The following BRCA1 variants were observed in gnomAD, a reference collection of about 807,000 sequenced individuals.
BRCA1 encodes BRCA1 DNA repair associated, also known as breast cancer type 1 susceptibility protein.
BRCA1 carries 140 observed loss-of-function variants against 173.7 expected under a neutral mutation model. That is an observed-to-expected ratio of 0.81 (90% CI 0.70 to 0.93). The LOEUF (loss-of-function observed/expected upper bound fraction) is 0.93. Among genes scored for constraint, BRCA1 ranks in the 40% least tolerant of loss-of-function variants. The probability of loss-of-function intolerance (pLI) is 0.00; values close to 1 mark genes in which losing one functional copy is unlikely to be tolerated. For synonymous variants in BRCA1, 662 were observed against 756.0 expected (o/e 0.88, Z 2.04); for missense variants, 1,983 against 2,172.5 (o/e 0.91, Z 1.73).
At chr17:43,074,938 AGAAAGGAAAGAAAAG>A (rs1047602918) in intron 13 of BRCA1, among the ~76,000 whole-genome samples, 8 of 150,978 alleles carry the variant, frequency 5.3e-5, no homozygotes, top group African/African-American at 2.0e-4. Context: ...AGGAAAGGAA[AGAAAGGAAAGAAAAG>A]GAAAGGAAAG....
intron 4 of BRCA1, among the ~76,000 whole-genome samples, 162 bp from the exon 5 acceptor site, chr17:43,105,118 G>A (rs977994330): frequency 3.9e-5 from 6 of 152,142 alleles, no homozygotes; most frequent in African/African-American, 1.2e-4. Flanking sequence ...ACCGTGTGAT[G>A]GCAGTGATTT....
chr17:43,074,877 C>T (rs143589966), intron 13 of BRCA1, among the ~76,000 whole-genome samples: 7 of 150,356 alleles, frequency 4.7e-5, no homozygotes, highest in African/African-American at 1.2e-4. Context: ...GCCGAGATCA[C>T]GCCACTGCAC....
At chr17:43,064,828 T>G (rs1373588692) in intron 16 of BRCA1, among the ~76,000 whole-genome samples, 1 of 36,840 alleles carries the variant, frequency 2.7e-5, no homozygotes, top group Non-Finnish European at 4.7e-5. Context: ...TTGATTTGCA[T>G]TTTTTTTTTT....
At chr17:43,126,229 T>G (rs2055868997), upstream of BRCA1, among the ~76,000 whole-genome samples, 1 of 152,196 alleles carries the variant, frequency 6.6e-6, no homozygotes, top group South Asian at 2.1e-4. Flanking sequence ...TTTTTCGGGT[T>G]CAGCTTGCTT....
At chr17:43,135,418 G>A (rs765354705) in intron 1 of BRCA1, among the ~76,000 whole-genome samples, 1 of 152,212 alleles carries the variant, frequency 6.6e-6, no homozygotes, top group African/African-American at 2.4e-5. Flanking sequence ...GCATGCACCC[G>A]CTCCTTTATT....
At chr17:43,095,276 T>C (rs1022710870) in intron 9 of BRCA1, among the ~76,000 whole-genome samples, 1 of 152,094 alleles carries the variant, frequency 6.6e-6, no homozygotes, top group African/African-American at 2.4e-5. Flanking sequence ...GAAACACAAA[T>C]ACACCAATTA....
intron 3 of BRCA1, among the ~76,000 whole-genome samples, chr17:43,113,161 T>A (rs2055117526): frequency 6.6e-6 from 1 of 152,064 alleles, no homozygotes; most frequent in South Asian, 2.1e-4. Context: ...CATCTTCCTG[T>A]AGAATTACTC....
chr17:43,072,860 G>A (rs1407178205), intron 14 of BRCA1, among the ~76,000 whole-genome samples: 2 of 150,288 alleles, frequency 1.3e-5, no homozygotes, highest in African/African-American at 4.9e-5. Flanking sequence ...CACCCACCAC[G>A]CCTGGCCCCA....
chr17:43,093,563 G>C lies in BRCA1; in HGVS notation c.1968C>G (p.Asn656Lys). The change falls in exon 10 of 23, where the codon AAC becomes AAG. Residue 656 changes from asparagine (N) to lysine (K), a missense_variant. Coordinates refer to ENST00000357654, the MANE Select transcript of BRCA1 (RefSeq NM_007294.4). ...SSEEIKKKKY[N>K]QMPVRHSRNL... ...TTCTGCTGTGCCTGACTGGCATTTG[G>C]TTGTACTTTTTTTTCTTTATCTCTT... is the stretch of plus-strand genomic sequence containing the variant. 1 of 1,613,890 alleles carries C rather than the reference G, an allele frequency of 6.2e-7. No individual in the cohort carries two copies. Among genetic ancestry groups the C allele is most frequent in the Non-Finnish European group, 8.5e-7 (1 of 1,179,986 alleles).
At chr17:43,106,642 G>T in intron 3 of BRCA1, 109 bp from the exon 4 acceptor site, 2 of 816,048 alleles carry the variant, frequency 2.5e-6, no homozygotes, top group South Asian at 1.6e-5. Flanking sequence ...GCCCTTAAGA[G>T]CCATTTAAAA....
chr17:43,140,250 C>T (rs1435983958), intron 1 of BRCA1: 1 of 208,172 alleles, frequency 4.8e-6, no homozygotes, highest in Non-Finnish European at 9.9e-6. Context: ...TTCCAGACCT[C>T]ACCCTGTGTA....
At chr17:43,095,707 A>T (rs1597881658) in intron 9 of BRCA1, 139 bp downstream of exon 9, 1 of 751,334 alleles carries the variant, frequency 1.3e-6, no homozygotes, top group East Asian at 2.7e-5. Context: ...GACATTTGAC[A>T]GAGAATGATA....
intron 18 of BRCA1, among the ~76,000 whole-genome samples, chr17:43,060,932 C>T (rs1057022553): frequency 6.6e-6 from 1 of 152,002 alleles, no homozygotes; most frequent in Non-Finnish European, 1.5e-5. Flanking sequence ...TTGAGACCAG[C>T]CTGACCAACG....
chr17:43,131,179 C>T (rs973847067), intron 1 of BRCA1: 13 of 242,706 alleles, frequency 5.4e-5, no homozygotes, highest in African/African-American at 2.0e-4. Context: ...ACATTATAAC[C>T]TGCCTTTAAA....
chr17:43,079,959 A>G (rs1297751915), intron 12 of BRCA1, among the ~76,000 whole-genome samples: 4 of 152,212 alleles, frequency 2.6e-5, no homozygotes, highest in Non-Finnish European at 4.4e-5. Flanking sequence ...AAACAGAGCA[A>G]AACCTTTCTG....
intron 19 of BRCA1, among the ~76,000 whole-genome samples, chr17:43,053,662 G>A (rs1437455995): frequency 6.6e-6 from 1 of 150,632 alleles, no homozygotes; most frequent in East Asian, 2.0e-4. Context: ...GCGAGACTCT[G>A]TCTCAAAAAA....
At chr17:43,141,247 T>G (rs1375025491) in intron 1 of BRCA1, among the ~76,000 whole-genome samples, 1 of 152,166 alleles carries the variant, frequency 6.6e-6, no homozygotes, top group Non-Finnish European at 1.5e-5. Context: ...GAGGACAAAC[T>G]GGGCAAAATA....
At chr17:43,127,552 G>A (rs1313168380), upstream of BRCA1, among the ~76,000 whole-genome samples, 1 of 151,950 alleles carries the variant, frequency 6.6e-6, no homozygotes, top group Non-Finnish European at 1.5e-5. Context: ...ATGTAGTGGG[G>A]ACTTGGAGAA....
rs140253175 is a variant in BRCA1, at chr17:43,147,320, G to C, written c.-20+22806C>G. ...TTCTCCTGCCTCAGCCTCCTGAGTA[G>C]CTGGGACTACAGGTGCCCGCCACCA... On this transcript the variant is annotated intron_variant, in intron 1 of 7. Coordinates refer to the BRCA1 transcript ENST00000634433. 9.4e-3 allele frequency among the ~76,000 whole-genome samples: 1,435 copies of C among 152,250 alleles called. 19 individuals are homozygous for C. Among genetic ancestry groups the C allele is most frequent in the African/African-American group, 0.033 (1,354 of 41,550 alleles).
Sources: gnomAD v4.1 joint callset for allele counts (sites outside exome capture counted in the v4.1 genomes callset) on GRCh38, gnomAD v4.1.1 for gene constraint, MANE v1.5 for transcripts, NCBI Gene and HGNC (gene_info 2026-07-23, HGNC 2026-07-21) for gene names.